The following ESAM variants were observed in gnomAD, a reference collection of about 807,000 sequenced individuals.
ESAM encodes endothelial cell-selective adhesion molecule.
ESAM carries 23 observed loss-of-function variants against 31.8 expected under a neutral mutation model. That is an observed-to-expected ratio of 0.72 (90% CI 0.52 to 1.03). The LOEUF (loss-of-function observed/expected upper bound fraction) is 1.03. Among genes scored for constraint, ESAM ranks in the 50% least tolerant of loss-of-function variants. ESAM has a pLI of 0.00. For missense variants in ESAM, 478 were observed against 488.9 expected, an observed-to-expected ratio of 0.98 and a Z score of 0.21; for synonymous variants, 216 against 207.2, an observed-to-expected ratio of 1.04 and a Z score of -0.37.
chr11:124,758,321 C>G (rs374197975), intron 2 of ESAM, 28 bp downstream of exon 2: 1 of 1,613,872 alleles, frequency 6.2e-7, no homozygotes, highest in East Asian at 2.2e-5. Context: ...CGCAACTTGC[C>G]GCTGGCTGAC....
rs527888726 is a variant in ESAM, at chr11:124,757,493, C to A, written c.250-751G>T. ...CAGGGGTTCTGAACATTGTTTCATT[C>A]TCTTCTGGGGTAAATCTGTATTTGG... On this transcript the variant is annotated intron_variant, in intron 2 of 6. Transcript: ENST00000278927. 4 of 152,324 alleles carry A rather than the reference C, an allele frequency of 2.6e-5. No homozygotes were observed. In the East Asian group the frequency reaches 7.7e-4, roughly 29 times the overall value. The allele number at this position is 152,324 out of a possible 1,614,324, so 9.4% of individuals were successfully genotyped here. A position where few individuals can be genotyped will look rare whatever the true frequency, so the allele number is the denominator to read the frequency against.
chr11:124,760,142 T>G (rs1591431088), intron 1 of ESAM, among the ~76,000 whole-genome samples: 1 of 152,058 alleles, frequency 6.6e-6, no homozygotes, highest in Non-Finnish European at 1.5e-5. Flanking sequence ...CACACTGGGG[T>G]CTGGGCACAT....
rs1312992279 is a variant in ESAM at position 124,753,590 on chromosome 11, T to G, written c.*56A>C. On this transcript the variant is annotated 3_prime_UTR_variant, in exon 7 of 7. Coordinates refer to ENST00000278927, the MANE Select transcript of ESAM (RefSeq NM_138961.3). ...ATGACTCAGGCCTCTGTGCTAGAGG[T>G]GACCCTTATAGGAAGGAGAGACCCC... 3 of 1,592,478 alleles carry G rather than the reference T, an allele frequency of 1.9e-6. No homozygotes were observed. In the African/African-American group the frequency reaches 4.0e-5, roughly 21 times the overall value.
At position 124,753,885 on chromosome 11, in the gene ESAM, A is replaced by G; in HGVS notation, c.934T>C (p.Ser312Pro). 1 of 1,614,074 alleles carries G rather than the reference A, an allele frequency of 6.2e-7. No individual in the cohort carries two copies. The highest frequency in any genetic ancestry group is 8.5e-7 in the Non-Finnish European group (1 of 1,180,010). ...DTISKNGTLS[S>P]VTSARALRPP... ...CGGAGGGCTCGTGCGGAGGTGACAGAGGAAAGGGTCCCATTCTTGGAGATT... is the reference window on the plus strand; with the variant it reads ...CGGAGGGCTCGTGCGGAGGTGACAGGGGAAAGGGTCCCATTCTTGGAGATT... Residue 312 changes from serine (S) to proline (P), a missense_variant, in exon 7 of 7, where the codon TCT becomes CCT. Coordinates refer to ENST00000278927, the MANE Select transcript of ESAM (RefSeq NM_138961.3).
In ESAM at chr11:124,756,299, A is replaced by G. The variant is rs761390500; in HGVS notation, c.515T>C (p.Leu172Pro). ...GVPHVGANVTLSCQSPRSKPA... is the reference protein window; with the variant it reads ...GVPHVGANVTPSCQSPRSKPA... ...CTTACTCCTTGGAGACTGGCAGCTC[A>G]GGGTCACGTTTGCCCCCACATGGGG... Residue 172 changes from leucine to proline, a missense_variant, in exon 4 of 7, where the codon CTG (leucine) becomes CCG (proline). By Grantham distance (98) the Leu-to-Pro change is moderately conservative (BLOSUM62 -3). Transcript: ENST00000278927. The G allele has an allele frequency of 8.1e-6, 13 of 1,613,526 alleles. No homozygotes were observed. The highest frequency in any genetic ancestry group is 4.2e-6 in the Non-Finnish European group (5 of 1,179,806).
intron 2 of ESAM, chr11:124,757,526 C>T (rs1944170562): frequency 6.6e-6 from 1 of 152,098 alleles, no homozygotes. Context: ...TGGATGTAAG[C>T]CCGGTGTCAA....
intron 2 of ESAM, among the ~76,000 whole-genome samples, chr11:124,757,995 G>A (rs1944176681): frequency 6.6e-6 from 1 of 152,088 alleles, no homozygotes; most frequent in African/African-American, 2.4e-5. Flanking sequence ...CACTGAGTCA[G>A]GCCAGAAATA....
Position 124,754,442 on chromosome 11 carries a change from CT to C in ESAM, c.731-103del. ...CCATCTGCCACCATACACATTCCCT[CT>C]TTTTCCCTGTCAAGAAGAGGGGTGG... is the stretch of plus-strand genomic sequence containing the variant. On this transcript the variant is annotated intron_variant, in intron 5 of 6. Coordinates refer to ENST00000278927, the MANE Select transcript of ESAM (RefSeq NM_138961.3). This position sits in a 1 kb window ranked among gnomAD's most constrained non-coding sequence, Gnocchi z 4.5. 5 of 1,521,242 alleles carry C rather than the reference CT, an allele frequency of 3.3e-6. No individual in the cohort carries two copies. Among genetic ancestry groups the C allele is most frequent in the African/African-American group, 1.4e-5 (1 of 72,338 alleles). The allele number at this position is 1,521,242 out of a possible 1,614,324, so 94.2% of individuals were successfully genotyped here.
intron 1 of ESAM, among the ~76,000 whole-genome samples, chr11:124,761,868 TC>T (rs933931470): frequency 8.0e-5 from 12 of 150,906 alleles, no homozygotes; most frequent in Admixed American, 5.3e-4. Context: ...TGCCCTTACC[TC>T]CCCCCGCCAT....
At position 124,761,873 on chromosome 11, in the gene ESAM, C is replaced by G. The variant is rs536725248; in HGVS notation, c.70+212G>C. On this transcript the variant is annotated intron_variant, in intron 1 of 6. Coordinates refer to ENST00000278927, the MANE Select transcript of ESAM (RefSeq NM_138961.3). Reference sequence around the variant, plus strand: ...TTCCGAGAGATGCCCTTACCTCCCCCCGCCATCCGCCCCCACACCCAAACT... The same window carrying G: ...TTCCGAGAGATGCCCTTACCTCCCCGCGCCATCCGCCCCCACACCCAAACT... Among the ~76,000 whole-genome samples, 618 of 152,194 alleles carry G rather than the reference C, an allele frequency of 4.1e-3. 3 individuals are homozygous for G. Among genetic ancestry groups the G allele is most frequent in the African/African-American group, 0.014 (588 of 41,518 alleles).
intron 2 of ESAM, 134 bp from the exon 3 acceptor site, chr11:124,756,876 G>T: frequency 1.1e-6 from 1 of 904,794 alleles, no homozygotes; most frequent in Non-Finnish European, 1.7e-6. Flanking sequence ...ACCTGAACCA[G>T]CTCCCCATTC....
chr11:124,758,274 C>G, intron 2 of ESAM, 75 bp downstream of exon 2: 2 of 1,579,156 alleles, frequency 1.3e-6, no homozygotes, highest in Non-Finnish European at 1.7e-6. Flanking sequence ...CCACCCCTCC[C>G]ACCGCTACCA....
At chr11:124,755,027 C>T (rs947573442) in intron 4 of ESAM, among the ~76,000 whole-genome samples, 4 of 152,092 alleles carry the variant, frequency 2.6e-5, no homozygotes, top group African/African-American at 9.7e-5. Flanking sequence ...CACAGAGAAA[C>T]CAAAACACCA....
At chr11:124,760,950 T>C (rs1944221945) in intron 1 of ESAM, among the ~76,000 whole-genome samples, 1 of 152,194 alleles carries the variant, frequency 6.6e-6, no homozygotes, top group Admixed American at 6.5e-5. Flanking sequence ...AGAAGGCTAC[T>C]TGTGGCCTTG....
Position 124,756,657 on chromosome 11 carries a change from C to G in ESAM, c.335G>C (p.Arg112Pro). 6.2e-7 allele frequency: 1 copy of G among 1,614,144 alleles called. No individual in the cohort carries two copies. The highest frequency in any genetic ancestry group is 8.5e-7 in the Non-Finnish European group (1 of 1,180,040). The change falls in exon 3 of 7, where the codon CGG becomes CCG. Residue 112 changes from arginine to proline, a missense_variant. By Grantham distance (103) the Arg-to-Pro change is moderately radical (BLOSUM62 -2). Coordinates refer to ENST00000278927, the MANE Select transcript of ESAM (RefSeq NM_138961.3). Reference protein sequence around the residue: ...YSMPSRNLSLRLEGLQEKDSG... With the variant: ...YSMPSRNLSLPLEGLQEKDSG... ...GTCTTTCTCCTGGAGACCCTCCAGCCGCAGGGACAGGTTCCGGGAGGGCAT... is the reference window on the plus strand; with the variant it reads ...GTCTTTCTCCTGGAGACCCTCCAGCGGCAGGGACAGGTTCCGGGAGGGCAT...
Position 124,753,477 on chromosome 11 carries a change from TG to T in ESAM, c.*168del. On this transcript the variant is annotated 3_prime_UTR_variant, in exon 7 of 7. Transcript: ENST00000278927. ...CACTTCCTCTTCTCCTTCTGTCTCC[TG>T]GACACTTAGGTCTTACTGAGATGGT... 2 of 709,612 alleles carry T rather than the reference TG, an allele frequency of 2.8e-6. No homozygotes were observed. Among genetic ancestry groups the T allele is most frequent in the Non-Finnish European group, 4.5e-6 (2 of 441,574 alleles). 44.0% of individuals were successfully genotyped at this position (709,612 alleles called of 1,614,324 possible). A position where few individuals can be genotyped will look rare whatever the true frequency, so the allele number is the denominator to read the frequency against.
intron 2 of ESAM, 102 bp downstream of exon 2, chr11:124,758,247 C>G: frequency 7.3e-7 from 1 of 1,372,764 alleles, no homozygotes; most frequent in Non-Finnish European, 1.0e-6. Context: ...ACTCCTTCCC[C>G]GGCCCCCATT....
chr11:124,758,220 T>C (rs1335197364), intron 2 of ESAM, 129 bp downstream of exon 2: 1 of 1,071,992 alleles, frequency 9.3e-7, no homozygotes, highest in African/African-American at 1.6e-5. Context: ...TGGTGAAGAC[T>C]TCTGCTTTTC....
At chr11:124,757,737 G>C (rs576216275) in intron 2 of ESAM, among the ~76,000 whole-genome samples, 1 of 134,882 alleles carries the variant, frequency 7.4e-6, no homozygotes, top group Non-Finnish European at 1.5e-5. Context: ...TTACTCCGTC[G>C]CCCAGGCTGA....
Sources: allele counts gnomAD v4.1 joint callset (sites outside exome capture counted in the v4.1 genomes callset), GRCh38; gene constraint gnomAD v4.1.1; non-coding constraint Gnocchi (gnomAD v3.1); transcripts MANE v1.5; gene names NCBI Gene and HGNC (gene_info 2026-07-23, HGNC 2026-07-21).